Variants in LDB2 observed in about 807,000 individuals in gnomAD.
LDB2 encodes the protein LIM domain binding 2, also known as LIM domain-binding protein 2.
LDB2 carries 12 observed loss-of-function variants against 44.3 expected under a neutral mutation model. The observed-to-expected ratio is 0.27, with a 90% CI of 0.17 to 0.44. The LOEUF is 0.44. LDB2 is among the 20% of genes least tolerant of loss of function. The pLI, the probability that LDB2 is intolerant of heterozygous loss-of-function variation, is 1.00. For synonymous variants in LDB2, 164 were observed against 174.8 expected, an observed-to-expected ratio of 0.94 and a Z score of 0.49; for missense variants, 344 against 473.5, an observed-to-expected ratio of 0.73 and a Z score of 2.54.
intron 1 of LDB2, among the ~76,000 whole-genome samples, chr4:16,814,339 T>A (rs867302541): frequency 6.6e-5 from 10 of 152,182 alleles, no homozygotes; most frequent in African/African-American, 2.2e-4. Flanking sequence ...AGAACCTAGA[T>A]TCAGACAGTT....
At chr4:16,710,837 C>T (rs1262934890) in intron 2 of LDB2, among the ~76,000 whole-genome samples, 1 of 152,096 alleles carries the variant, frequency 6.6e-6, no homozygotes, top group Non-Finnish European at 1.5e-5. Context: ...AACCATCTCC[C>T]AATAATACAT....
At position 16,897,517 on chromosome 4, in the gene LDB2, C is replaced by T. The variant is rs545750090; in HGVS notation, c.132+837G>A. Among the ~76,000 whole-genome samples, 3 of 152,238 alleles carry T rather than the reference C, an allele frequency of 2.0e-5. No homozygotes were observed. The South Asian group carries it at 6.2e-4, about 32-fold the overall frequency. On this transcript the variant is annotated intron_variant, in intron 1 of 7. Transcript: ENST00000304523. ...TGCAGGAGGCGAGTCTGGAGTTTTG[C>T]ATTTAAAAAGTTCTGAAAGTCCTGT...
chr4:16,691,007 T>C (rs1578812982), intron 2 of LDB2, among the ~76,000 whole-genome samples: 1 of 152,298 alleles, frequency 6.6e-6, no homozygotes, highest in Non-Finnish European at 1.5e-5. Context: ...TTATTAATCA[T>C]CTATTATAGT....
At chr4:16,862,085 C>T (rs11731033) in intron 1 of LDB2, among the ~76,000 whole-genome samples, 33,530 of 152,058 alleles carry the variant, frequency 0.22, 4,143 homozygotes, top group South Asian at 0.4. Context: ...ACAGTGAATT[C>T]TCATCCAAAA....
At chr4:16,604,526 T>C (rs1723418963) in intron 2 of LDB2, among the ~76,000 whole-genome samples, 1 of 149,006 alleles carries the variant, frequency 6.7e-6, no homozygotes, top group Non-Finnish European at 1.5e-5. Flanking sequence ...AAAATATATA[T>C]ATTTATATAT....
intron 2 of LDB2, among the ~76,000 whole-genome samples, chr4:16,716,052 A>G (rs1757013493): frequency 1.3e-5 from 2 of 152,202 alleles, no homozygotes; most frequent in Non-Finnish European, 2.9e-5. Context: ...TGGAATATGC[A>G]AAGTTTATAT....
intron 1 of LDB2, among the ~76,000 whole-genome samples, chr4:16,765,491 T>C (rs1399748623): frequency 6.6e-6 from 1 of 152,230 alleles, no homozygotes; most frequent in African/African-American, 2.4e-5. Flanking sequence ...TATGAAATTA[T>C]CATGGAATCA....
chr4:16,604,411 TATAG>T (rs143529685), intron 2 of LDB2, among the ~76,000 whole-genome samples: 461 of 151,586 alleles, frequency 3.0e-3, no homozygotes, highest in African/African-American at 9.4e-3. Flanking sequence ...CTTACCTATA[TATAG>T]ATTCTCCTTT....
At chr4:16,734,790 C>A (rs1387536124) in intron 2 of LDB2, among the ~76,000 whole-genome samples, 1 of 150,888 alleles carries the variant, frequency 6.6e-6, no homozygotes, top group Non-Finnish European at 1.5e-5. Context: ...CTCACTGCAA[C>A]CTCCGCCTCC....
At chr4:16,655,902 T>C (rs1364177044) in intron 2 of LDB2, among the ~76,000 whole-genome samples, 1 of 133,810 alleles carries the variant, frequency 7.5e-6, no homozygotes, top group African/African-American at 2.9e-5. Context: ...AAAACTTTTT[T>C]TTTTTTTTTT....
At chr4:16,581,277 G>T in intron 5 of LDB2, 2 of 286,898 alleles carry the variant, frequency 7.0e-6, no homozygotes, top group South Asian at 1.3e-4. Flanking sequence ...CCATTTCACA[G>T]ATGAGAAAAT....
At chr4:16,711,042 T>C (rs1755753469) in intron 2 of LDB2, among the ~76,000 whole-genome samples, 1 of 152,250 alleles carries the variant, frequency 6.6e-6, no homozygotes. Flanking sequence ...TGTCCATTCA[T>C]TCAACAATGC....
rs191954431 is a variant in LDB2 at position 16,839,932 on chromosome 4, T to C, written c.132+58422A>G. On this transcript the variant is annotated intron_variant, in intron 1 of 7. Coordinates refer to ENST00000304523, the MANE Select transcript of LDB2 (RefSeq NM_001290.5). ...ACACACATACACACACATGCACATT[T>C]TGGGCCTACCTAAAGTGGCCAACAT... 1.9e-4 allele frequency among the ~76,000 whole-genome samples: 29 copies of C among 152,264 alleles called. 1 individual carries two copies. Among genetic ancestry groups the C allele is most frequent in the Admixed American group, 7.9e-4 (12 of 15,284 alleles).
intron 2 of LDB2, among the ~76,000 whole-genome samples, chr4:16,683,218 A>T (rs948755345): frequency 2.6e-5 from 4 of 152,216 alleles, no homozygotes; most frequent in African/African-American, 9.7e-5. Context: ...ATGTTTGGAA[A>T]ATTCCCCTTG....
At chr4:16,595,910 A>T (rs753969728) in intron 2 of LDB2, 35 bp from the exon 3 acceptor site, 1 of 1,599,710 alleles carries the variant, frequency 6.3e-7, no homozygotes, top group Non-Finnish European at 8.5e-7. Flanking sequence ...AACCATTAAC[A>T]AAAATATCCC....
At chr4:16,626,300 G>A (rs1247603375) in intron 2 of LDB2, among the ~76,000 whole-genome samples, 1 of 152,142 alleles carries the variant, frequency 6.6e-6, no homozygotes, top group Non-Finnish European at 1.5e-5. Context: ...GAGAACATGA[G>A]ATTTTTACCT....
intron 2 of LDB2, among the ~76,000 whole-genome samples, chr4:16,727,351 A>G (rs1759729070): frequency 6.6e-6 from 1 of 152,332 alleles, no homozygotes. Flanking sequence ...CAGGGATGAT[A>G]AAAAGCAGAG....
intron 1 of LDB2, among the ~76,000 whole-genome samples, chr4:16,840,587 C>A (rs999159299): frequency 6.6e-6 from 1 of 152,192 alleles, no homozygotes; most frequent in Admixed American, 6.5e-5. Context: ...AGTGACAGGA[C>A]AGCTCAGTGG....
At chr4:16,580,865 A>G (rs985754464) in intron 5 of LDB2, among the ~76,000 whole-genome samples, 4 of 152,270 alleles carry the variant, frequency 2.6e-5, no homozygotes, top group African/African-American at 9.6e-5. Context: ...TTTTCTTTAT[A>G]TTGTTGGAGA....
Sources: allele counts gnomAD v4.1 joint callset (sites outside exome capture counted in the v4.1 genomes callset), GRCh38; gene constraint gnomAD v4.1.1; transcripts MANE v1.5; gene names NCBI Gene and HGNC (gene_info 2026-07-23, HGNC 2026-07-21).